The following SRGN variants were observed in gnomAD, a reference collection of about 807,000 sequenced individuals.
The protein encoded by SRGN is hematopoetic proteoglycan core peptide.
In SRGN, 2 loss-of-function variants were observed where a neutral mutation model predicts 9.5. The ratio of observed to expected loss-of-function variants is 0.21; its 90% confidence interval spans 0.09 to 0.66. SRGN has a LOEUF of 0.66. Among genes scored for constraint, SRGN ranks in the 30% least tolerant of loss-of-function variants. The probability of loss-of-function intolerance (pLI) is 0.83; values close to 1 mark genes in which losing one functional copy is unlikely to be tolerated. For synonymous variants in SRGN, 59 were observed against 72.3 expected, an observed-to-expected ratio of 0.82 and a Z score of 0.93; for missense variants, 170 against 192.4, an observed-to-expected ratio of 0.88 and a Z score of 0.69.
intron 2 of SRGN, 79 bp downstream of exon 2, chr10:69,097,310 G>C (rs1270085276): frequency 8.0e-7 from 1 of 1,248,146 alleles, no homozygotes; most frequent in Non-Finnish European, 1.1e-6. Flanking sequence ...GCCCAGGCTG[G>C]AGTGCAATGG....
intron 2 of SRGN, 53 bp downstream of exon 2, chr10:69,097,284 G>A: frequency 6.7e-7 from 1 of 1,500,166 alleles, no homozygotes; most frequent in Non-Finnish European, 9.1e-7. Context: ...ATTTGAGACG[G>A]AGTTTCACTT....
chr10:69,103,025 C>T (rs1370822718), intron 2 of SRGN, among the ~76,000 whole-genome samples: 11 of 151,874 alleles, frequency 7.2e-5, no homozygotes, highest in African/African-American at 1.2e-4. Context: ...CTGCAACCTC[C>T]GCCTCCTGGG....
Position 69,097,224 on chromosome 10 carries a change from C to G in SRGN, c.220C>G (p.Leu74Val). The change falls in exon 2 of 3, where the codon CTT becomes GTT. Residue 74 changes from leucine to valine, a missense_variant. Transcript: ENST00000242465. ...SNKIPRLRTD[L>V]FPKTRIQDLN... ...CAAGATCCCCCGTCTGAGGACTGAC[C>G]TTTTTCCGTAAGTGGACTTTTCTCT... 6.2e-7 allele frequency: 1 copy of G among 1,610,600 alleles called. No homozygotes were observed. Among genetic ancestry groups the G allele is most frequent in the South Asian group, 1.1e-5 (1 of 90,406 alleles).
chr10:69,101,738 A>T (rs1332731914), intron 2 of SRGN, among the ~76,000 whole-genome samples: 1 of 152,010 alleles, frequency 6.6e-6, no homozygotes, highest in African/African-American at 2.4e-5. Context: ...CTCTATTTTC[A>T]GCTTACTTGA....
At chr10:69,095,036 G>A (rs1444614513) in intron 1 of SRGN, among the ~76,000 whole-genome samples, 1 of 151,856 alleles carries the variant, frequency 6.6e-6, no homozygotes, top group Non-Finnish European at 1.5e-5. Context: ...GGCCGGGTGT[G>A]GTGGCTCACA....
chr10:69,093,977 C>T (rs1043219098), intron 1 of SRGN, among the ~76,000 whole-genome samples: 5 of 152,158 alleles, frequency 3.3e-5, no homozygotes, highest in Admixed American at 6.5e-5. Flanking sequence ...TGTTCACTCT[C>T]GGAGATCATA....
At chr10:69,099,780 C>A (rs961397828) in intron 2 of SRGN, among the ~76,000 whole-genome samples, 4 of 152,232 alleles carry the variant, frequency 2.6e-5, no homozygotes, top group African/African-American at 9.6e-5. Flanking sequence ...TACTTTAAAT[C>A]ATTGGTTTCA....
intron 2 of SRGN, among the ~76,000 whole-genome samples, chr10:69,098,045 A>G (rs1013541375): frequency 6.6e-6 from 1 of 152,188 alleles, no homozygotes; most frequent in East Asian, 1.9e-4. Flanking sequence ...GCGAGTATAC[A>G]TGATTCACCT....
chr10:69,095,635 G>A (rs1451917136), intron 1 of SRGN, among the ~76,000 whole-genome samples: 1 of 152,150 alleles, frequency 6.6e-6, no homozygotes, highest in Non-Finnish European at 1.5e-5. Flanking sequence ...TATAGGCCGG[G>A]CATGGTGGCT....
intron 2 of SRGN, among the ~76,000 whole-genome samples, chr10:69,097,610 G>A (rs1416877555): frequency 6.6e-6 from 1 of 152,028 alleles, no homozygotes; most frequent in Non-Finnish European, 1.5e-5. Flanking sequence ...TGTATTTTTA[G>A]TAGAGACGGG....
In SRGN at chr10:69,104,311, T is replaced by C; in HGVS notation, c.*191T>C. On this transcript the variant is annotated 3_prime_UTR_variant, in exon 3 of 3. Transcript: ENST00000242465. ...TATGCTTTAATGCTGTTATCTATTTTATTGTTCTTGAAAATACCTGCATTT... is the reference window on the plus strand; with the variant it reads ...TATGCTTTAATGCTGTTATCTATTTCATTGTTCTTGAAAATACCTGCATTT... 3.2e-6 allele frequency: 2 copies of C among 617,040 alleles called. No homozygotes were observed. The highest frequency in any genetic ancestry group is 4.9e-6 in the Non-Finnish European group (2 of 410,476). The allele number at this position is 617,040 out of a possible 1,614,324, so 38.2% of individuals were successfully genotyped here.
intron 1 of SRGN, among the ~76,000 whole-genome samples, chr10:69,089,603 G>T (rs1285933235): frequency 6.6e-6 from 1 of 152,144 alleles, no homozygotes; most frequent in East Asian, 1.9e-4. Context: ...TCATTAGAAA[G>T]AAATGAAGAA....
intron 1 of SRGN, among the ~76,000 whole-genome samples, chr10:69,090,402 C>T (rs141924763): frequency 9.8e-5 from 15 of 152,328 alleles, no homozygotes; most frequent in East Asian, 7.7e-4. Context: ...CAAAGTACCA[C>T]GGACTGAGTG....
intron 2 of SRGN, chr10:69,098,355 A>T (rs1391230319): frequency 6.6e-6 from 1 of 152,338 alleles, no homozygotes; most frequent in Non-Finnish European, 1.5e-5. Flanking sequence ...TTCCATTTAG[A>T]TGAAATGTCC....
chr10:69,103,748 A>G, intron 2 of SRGN, 123 bp from the exon 3 acceptor site: 1 of 1,071,280 alleles, frequency 9.3e-7, no homozygotes, highest in South Asian at 1.7e-5. Flanking sequence ...AAGCTTTTAA[A>G]TCTCTTAATT....
intron 2 of SRGN, among the ~76,000 whole-genome samples, chr10:69,099,971 T>G (rs1840256135): frequency 6.6e-6 from 1 of 152,114 alleles, no homozygotes; most frequent in Admixed American, 6.6e-5. Flanking sequence ...ACGCCTGTAA[T>G]CCCAACACTT....
At position 69,097,153 on chromosome 10, in the gene SRGN, T is replaced by C. The variant is rs1320521818; in HGVS notation, c.149T>C (p.Leu50Pro). ...CNPDSNSANC[L>P]EEKGPMFELL... ...CCAGACAGTAATTCTGCAAACTGCC[T>C]TGAAGAAAAAGGACCAATGTTCGAA... The change falls in exon 2 of 3, where the codon CTT becomes CCT. Residue 50 changes from leucine to proline, a missense_variant. Physicochemically the swap from Leu to Pro is moderately conservative, Grantham distance 98. Coordinates refer to ENST00000242465, the MANE Select transcript of SRGN (RefSeq NM_002727.4). 1 of 1,614,134 alleles carries C rather than the reference T, an allele frequency of 6.2e-7. No homozygotes were observed. Among genetic ancestry groups the C allele is most frequent in the Non-Finnish European group, 8.5e-7 (1 of 1,179,994 alleles).
intron 1 of SRGN, among the ~76,000 whole-genome samples, chr10:69,089,766 C>T (rs1167708076): frequency 6.6e-6 from 1 of 151,964 alleles, no homozygotes; most frequent in Admixed American, 6.6e-5. Context: ...CATGGTGGCA[C>T]ACACCTGTCA....
intron 2 of SRGN, among the ~76,000 whole-genome samples, chr10:69,102,752 AG>A (rs768674228): frequency 1.3e-4 from 20 of 152,238 alleles, no homozygotes; most frequent in Non-Finnish European, 2.6e-4. Context: ...AGTTGGAGGC[AG>A]GGTCATTTTT....
Sources: gnomAD v4.1 joint callset for allele counts (sites outside exome capture counted in the v4.1 genomes callset) on GRCh38, gnomAD v4.1.1 for gene constraint, MANE v1.5 for transcripts, NCBI Gene and HGNC (gene_info 2026-07-23, HGNC 2026-07-21) for gene names.